UBE2E2: variants seen among roughly 807,000 people sequenced by gnomAD.
UBE2E2 encodes the protein ubiquitin conjugating enzyme E2 E2.
UBE2E2 carries 6 observed loss-of-function variants against 24.7 expected under a neutral mutation model. That is an observed-to-expected ratio of 0.24 (90% CI 0.13 to 0.48). The LOEUF is 0.48. Among genes scored for constraint, UBE2E2 ranks in the 20% least tolerant of loss-of-function variants. The pLI is 0.99. For missense variants in UBE2E2, 169 were observed against 245.0 expected (o/e 0.69, Z 2.07); for synonymous variants, 104 against 83.6 (o/e 1.24, Z -1.33).
intron 3 of UBE2E2, among the ~76,000 whole-genome samples, chr3:23,396,315 A>G (rs1167454491): frequency 1.7e-5 from 2 of 115,876 alleles, no homozygotes; most frequent in African/African-American, 3.3e-5. Context: ...ATATATATAT[A>G]TATGTATATA....
intron 3 of UBE2E2, among the ~76,000 whole-genome samples, chr3:23,276,266 A>G (rs964562182): frequency 3.9e-5 from 6 of 152,096 alleles, no homozygotes; most frequent in African/African-American, 1.4e-4. Flanking sequence ...TTATAGTTTT[A>G]TGGAAAAAAT....
At chr3:23,334,717 C>T (rs1358775680) in intron 3 of UBE2E2, among the ~76,000 whole-genome samples, 1 of 152,096 alleles carries the variant, frequency 6.6e-6, no homozygotes, top group Non-Finnish European at 1.5e-5. Flanking sequence ...TTATGTTTTT[C>T]CTTTTGCTAA....
rs185304526 is a variant in UBE2E2 at position 23,280,038 on chromosome 3, G to T, written c.227+62726G>T. 4.5e-4 allele frequency among the ~76,000 whole-genome samples: 68 copies of T among 152,188 alleles called. No homozygotes were observed. The highest frequency in any genetic ancestry group is 1.5e-3 in the African/African-American group (64 of 41,524). Reference sequence around the variant, plus strand: ...ACATTGTCTCTCATTCACCTATTAGGCCATACATTCAAATAAGCATGGGAG... The same window carrying T: ...ACATTGTCTCTCATTCACCTATTAGTCCATACATTCAAATAAGCATGGGAG... On this transcript the variant is annotated intron_variant, in intron 3 of 5. Transcript: ENST00000396703. The surrounding 1 kb of genome is among the most constrained non-coding windows in gnomAD (Gnocchi z 4.3).
rs561787177 is a variant in UBE2E2 at position 23,355,124 on chromosome 3, C to G, written c.227+137812C>G. On this transcript the variant is annotated intron_variant, in intron 3 of 5. Transcript: ENST00000396703. ...AATCATCATTCTCAGTAAACTATCACAAGGACAGAAAAACAAACACCTCAT... is the reference window on the plus strand; with the variant it reads ...AATCATCATTCTCAGTAAACTATCAGAAGGACAGAAAAACAAACACCTCAT... 4.6e-5 allele frequency among the ~76,000 whole-genome samples: 7 copies of G among 150,926 alleles called. No individual in the cohort carries two copies. The South Asian group carries it at 1.0e-3, about 23-fold the overall frequency.
chr3:23,540,916 T>A (rs1469337750), intron 5 of UBE2E2, among the ~76,000 whole-genome samples: 3 of 152,226 alleles, frequency 2.0e-5, no homozygotes, highest in Non-Finnish European at 4.4e-5. Flanking sequence ...GAAATCAGGC[T>A]TTTTAAATGT....
intron 3 of UBE2E2, among the ~76,000 whole-genome samples, chr3:23,256,461 G>T (rs1697724687): frequency 7.1e-6 from 1 of 140,756 alleles, no homozygotes; most frequent in African/African-American, 2.5e-5. Flanking sequence ...CTTTTGCATT[G>T]TAATTTTTGA....
intron 3 of UBE2E2, among the ~76,000 whole-genome samples, chr3:23,497,079 A>G (rs181989200): frequency 6.6e-6 from 1 of 152,360 alleles, no homozygotes; most frequent in Admixed American, 6.5e-5. Flanking sequence ...ACAGTATTGT[A>G]CCGTGTTTAT....
intron 3 of UBE2E2, among the ~76,000 whole-genome samples, chr3:23,226,858 A>G (rs1696840086): frequency 6.6e-6 from 1 of 151,952 alleles, no homozygotes; most frequent in South Asian, 2.1e-4. Context: ...ATAGAAATTA[A>G]TTTGTAATAT....
intron 4 of UBE2E2, among the ~76,000 whole-genome samples, chr3:23,529,815 T>G (rs990425241): frequency 1.3e-5 from 2 of 152,212 alleles, no homozygotes; most frequent in Non-Finnish European, 2.9e-5. Flanking sequence ...CTTAGGCTAG[T>G]GTCTTTATTT....
At chr3:23,443,655 G>T (rs1300402788) in intron 3 of UBE2E2, among the ~76,000 whole-genome samples, 1 of 152,214 alleles carries the variant, frequency 6.6e-6, no homozygotes, top group East Asian at 1.9e-4. Context: ...GAGGCATGAG[G>T]CAGGGAACTG....
Position 23,262,342 on chromosome 3 carries a change from G to A in UBE2E2, c.227+45030G>A, listed in dbSNP as rs114715710. 8.4e-3 allele frequency among the ~76,000 whole-genome samples: 1,274 copies of A among 152,132 alleles called. 16 individuals are homozygous for A. Among genetic ancestry groups the A allele is most frequent in the African/African-American group, 0.028 (1,163 of 41,472 alleles). On this transcript the variant is annotated intron_variant, in intron 3 of 5. Coordinates refer to ENST00000396703, the MANE Select transcript of UBE2E2 (RefSeq NM_152653.4). ...TTTTTTCAGGCTGGACTGAAGTGGCGCGATCATAGCCCATTGCAGCCAACT... is the reference window on the plus strand; with the variant it reads ...TTTTTTCAGGCTGGACTGAAGTGGCACGATCATAGCCCATTGCAGCCAACT...
At chr3:23,375,504 T>C (rs935803512) in intron 3 of UBE2E2, among the ~76,000 whole-genome samples, 2 of 152,168 alleles carry the variant, frequency 1.3e-5, no homozygotes, top group African/African-American at 4.8e-5. Flanking sequence ...TGGACAGCAA[T>C]ACATAGAGTA....
intron 3 of UBE2E2, among the ~76,000 whole-genome samples, chr3:23,234,059 T>C (rs1232096724): frequency 6.6e-6 from 1 of 152,168 alleles, no homozygotes; most frequent in African/African-American, 2.4e-5. Flanking sequence ...TATCTTAACT[T>C]TGAGGTCAGG....
At chr3:23,292,645 A>G (rs911593326) in intron 3 of UBE2E2, among the ~76,000 whole-genome samples, 12 of 152,222 alleles carry the variant, frequency 7.9e-5, no homozygotes, top group African/African-American at 2.7e-4. Flanking sequence ...ATAACCTGCT[A>G]CTGGCTAGAG....
chr3:23,294,089 A>G (rs540847441), intron 3 of UBE2E2, among the ~76,000 whole-genome samples: 9 of 152,370 alleles, frequency 5.9e-5, no homozygotes, highest in Admixed American at 5.2e-4. Context: ...ATAATTTACT[A>G]GGACACTGAA....
At chr3:23,408,076 A>G (rs1697408419) in intron 3 of UBE2E2, among the ~76,000 whole-genome samples, 2 of 152,220 alleles carry the variant, frequency 1.3e-5, no homozygotes, top group Non-Finnish European at 2.9e-5. Flanking sequence ...ACACTAGCAC[A>G]TCATGATAGT....
rs1476237772 is a variant in UBE2E2 at position 23,474,218 on chromosome 3, C to A, written c.228-25390C>A. The stretch of plus-strand genomic sequence containing the variant: ...AGAATTGTCTATTCATGTCCTTAGC[C>A]CACTTTTTGATGGGATTGTTGTTTT... On this transcript the variant is annotated intron_variant, in intron 3 of 5. Transcript: ENST00000396703. This position sits in a 1 kb window ranked among gnomAD's most constrained non-coding sequence, Gnocchi z 4.0. 6.6e-6 allele frequency among the ~76,000 whole-genome samples: 1 copy of A among 151,810 alleles called. No individual in the cohort carries two copies. The highest frequency in any genetic ancestry group is 1.5e-5 in the Non-Finnish European group (1 of 68,008).
intron 4 of UBE2E2, among the ~76,000 whole-genome samples, chr3:23,501,314 A>G (rs143072997): frequency 1.2e-4 from 19 of 152,078 alleles, no homozygotes; most frequent in African/African-American, 4.3e-4. Context: ...CAAAGCTAGA[A>G]TAAGCTGGGG....
intron 3 of UBE2E2, among the ~76,000 whole-genome samples, chr3:23,266,181 C>T (rs1265847814): frequency 6.6e-6 from 1 of 152,118 alleles, no homozygotes; most frequent in Admixed American, 6.5e-5. Flanking sequence ...GAATTTGATC[C>T]TGTCATTATG....
Sources: gnomAD v4.1 joint callset for allele counts (sites outside exome capture counted in the v4.1 genomes callset) on GRCh38, gnomAD v4.1.1 for gene constraint, Gnocchi (gnomAD v3.1) non-coding constraint, MANE v1.5 for transcripts, NCBI Gene and HGNC (gene_info 2026-07-23, HGNC 2026-07-21) for gene names.